The following AGBL1 variants were observed in gnomAD, a reference collection of about 807,000 sequenced individuals.
AGBL1 encodes the protein AGBL carboxypeptidase 1.
Under a neutral mutation model 118.9 loss-of-function variants are expected in AGBL1, and 130 were observed. The observed-to-expected ratio is 1.09, with a 90% CI of 0.95 to 1.26. The LOEUF is 1.26. AGBL1 is among the 50% of genes most tolerant of loss of function. The probability of loss-of-function intolerance (pLI) is 0.00; values close to 1 mark genes in which losing one functional copy is unlikely to be tolerated. For synonymous variants in AGBL1, 555 were observed against 478.9 expected, an observed-to-expected ratio of 1.16 and a Z score of -2.08; for missense variants, 1,584 against 1,298.1, an observed-to-expected ratio of 1.22 and a Z score of -3.38.
chr15:86,350,564 A>G (rs1469680096), intron 17 of AGBL1, among the ~76,000 whole-genome samples: 1 of 152,160 alleles, frequency 6.6e-6, no homozygotes, highest in Non-Finnish European at 1.5e-5. Context: ...AGCAGTAGTA[A>G]GTTATACATG....
intron 16 of AGBL1, among the ~76,000 whole-genome samples, chr15:86,283,346 C>A (rs1395578757): frequency 6.6e-6 from 1 of 151,884 alleles, no homozygotes; most frequent in Non-Finnish European, 1.5e-5. Context: ...CAAGAGACAA[C>A]AAAAGCGGTC....
At chr15:86,740,265 C>G (rs762727029) in intron 22 of AGBL1, among the ~76,000 whole-genome samples, 5 of 152,226 alleles carry the variant, frequency 3.3e-5, no homozygotes, top group Non-Finnish European at 7.3e-5. Context: ...CCAGACCTTT[C>G]AGACATGGGA....
At position 86,156,913 on chromosome 15, in the gene AGBL1, C is replaced by T. The variant is rs1320903822; in HGVS notation, c.395-2020C>T. Among the ~76,000 whole-genome samples the T allele has an allele frequency of 4.0e-5, 6 of 151,660 alleles. No homozygotes were observed. The South Asian group carries it at 8.3e-4, about 21-fold the overall frequency. The stretch of plus-strand genomic sequence containing the variant: ...CAAATGATTCTCGTGCCTTAGCCTC[C>T]CGACTAGCTGGGATTACAGTTGTGC... On this transcript the variant is annotated intron_variant, in intron 4 of 22. Transcript: ENST00000614907.
intron 20 of AGBL1, 76 bp downstream of exon 20, chr15:86,546,209 C>G (rs574219781): frequency 7.6e-7 from 1 of 1,309,392 alleles, no homozygotes; most frequent in Admixed American, 2.7e-5. Flanking sequence ...CCATGCCCCA[C>G]TCATTTATTT....
In AGBL1 at chr15:86,888,808, C is replaced by T. The variant is rs1456754501; in HGVS notation, c.3159-18279C>T. Among the ~76,000 whole-genome samples the T allele has an allele frequency of 3.9e-5, 6 of 152,204 alleles. No individual in the cohort carries two copies. The South Asian group carries it at 8.3e-4, about 21-fold the overall frequency. ...GCCATTATGAGTCAAAACTGTTAAT[C>T]AGAACATAAAATAATGTCAGAAAGA... On this transcript the variant is annotated intron_variant, in intron 22 of 22. Transcript: ENST00000614907.
rs1282333825 is a variant in AGBL1 at position 86,910,934 on chromosome 15, T to C, written c.*3640T>C. The C allele has an allele frequency of 2.0e-5, 3 of 152,176 alleles. No individual in the cohort carries two copies. Among genetic ancestry groups the C allele is most frequent in the Non-Finnish European group, 4.4e-5 (3 of 68,054 alleles). 9.4% of individuals were successfully genotyped at this position (152,176 alleles called of 1,614,324 possible). On this transcript the variant is annotated 3_prime_UTR_variant, in exon 23 of 23. Transcript: ENST00000614907. ...CAGTCTTCCATCCAGAGTTAGAGGG[T>C]ACTTACTTGAGAGTTAACTCTCAAT...
intron 3 of AGBL1, among the ~76,000 whole-genome samples, chr15:86,146,578 G>T (rs1382130117): frequency 1.3e-5 from 2 of 152,154 alleles, no homozygotes; most frequent in African/African-American, 2.4e-5. Flanking sequence ...GCAAACTAGG[G>T]TCATACAGGT....
chr15:86,969,349 A>G (rs562362178), intron 23 of AGBL1, among the ~76,000 whole-genome samples: 9 of 151,706 alleles, frequency 5.9e-5, no homozygotes, highest in Non-Finnish European at 1.3e-4. Context: ...TTTTCCTTCC[A>G]ACTTGAGTTG....
intron 17 of AGBL1, among the ~76,000 whole-genome samples, chr15:86,318,810 C>A (rs1342127609): frequency 1.4e-5 from 2 of 140,152 alleles, no homozygotes. Context: ...ATGTAAAGGT[C>A]TGTTTGTGGT....
At chr15:86,879,074 T>G (rs1003897724) in intron 22 of AGBL1, among the ~76,000 whole-genome samples, 3 of 152,236 alleles carry the variant, frequency 2.0e-5, no homozygotes, top group African/African-American at 7.2e-5. Context: ...AAGGCAGAAG[T>G]CTTTTCATAG....
At chr15:86,173,916 G>A (rs889575208) in intron 5 of AGBL1, among the ~76,000 whole-genome samples, 3 of 151,960 alleles carry the variant, frequency 2.0e-5, no homozygotes, top group East Asian at 1.9e-4. Context: ...GGATTGCTTC[G>A]GCTATTTTGG....
intron 22 of AGBL1, among the ~76,000 whole-genome samples, chr15:86,736,440 A>C (rs1397177852): frequency 6.6e-6 from 1 of 152,080 alleles, no homozygotes; most frequent in African/African-American, 2.4e-5. Flanking sequence ...GTGCACTTCT[A>C]TATAGCATCT....
At chr15:86,449,628 T>C (rs2082168681) in intron 18 of AGBL1, among the ~76,000 whole-genome samples, 1 of 152,228 alleles carries the variant, frequency 6.6e-6, no homozygotes, top group Non-Finnish European at 1.5e-5. Flanking sequence ...GAATAGCACA[T>C]AAAGCATCCA....
intron 16 of AGBL1, among the ~76,000 whole-genome samples, chr15:86,292,469 C>T (rs1453924448): frequency 6.6e-6 from 1 of 152,158 alleles, no homozygotes; most frequent in Non-Finnish European, 1.5e-5. Context: ...TTTTAGACTA[C>T]TGACCTTCAG....
At position 86,719,650 on chromosome 15, in the gene AGBL1, G is replaced by GTTCCTTCT. The variant is rs543115107; in HGVS notation, c.3158+45221_3158+45228dup. The stretch of plus-strand genomic sequence containing the variant: ...TGCCTTCCCCTCCCTCCCTTTCTTT[G>GTTCCTTCT]TTCCTTCTTTCCTTTTTATCCTCAA... On this transcript the variant is annotated intron_variant, in intron 22 of 22. Coordinates refer to ENST00000614907, the MANE Select transcript of AGBL1 (RefSeq NM_001386094.1). Among the ~76,000 whole-genome samples, 69 of 151,326 alleles carry GTTCCTTCT rather than the reference G, an allele frequency of 4.6e-4. No individual in the cohort carries two copies. In the East Asian group the frequency reaches 0.012, roughly 27 times the overall value.
chr15:86,236,614 G>A (rs2078547340), intron 6 of AGBL1, among the ~76,000 whole-genome samples: 1 of 152,004 alleles, frequency 6.6e-6, no homozygotes, highest in Admixed American at 6.6e-5. Flanking sequence ...GTCTCGGGCC[G>A]AATTGGATAA....
At chr15:86,857,109 C>A (rs374124978) in intron 22 of AGBL1, among the ~76,000 whole-genome samples, 12 of 152,282 alleles carry the variant, frequency 7.9e-5, no homozygotes, top group East Asian at 5.8e-4. Context: ...AATTTCTGTA[C>A]GTTTTATGTG....
chr15:86,668,003 G>C (rs565108937), intron 21 of AGBL1, among the ~76,000 whole-genome samples: 1 of 152,134 alleles, frequency 6.6e-6, no homozygotes, highest in Non-Finnish European at 1.5e-5. Context: ...GAGGTGAAGC[G>C]GGAGCAGGCA....
rs2080334926 is a variant in AGBL1, at chr15:86,910,473, G to A, written c.*3179G>A. Reference sequence around the variant, plus strand: ...GGGGAGACTTAAAGAGCTTTCAGCAGAGGCATGCCCGTGACTGATATCAGC... The same window carrying A: ...GGGGAGACTTAAAGAGCTTTCAGCAAAGGCATGCCCGTGACTGATATCAGC... On this transcript the variant is annotated 3_prime_UTR_variant, in exon 23 of 23. Coordinates refer to ENST00000614907, the MANE Select transcript of AGBL1 (RefSeq NM_001386094.1). The A allele has an allele frequency of 6.6e-6, 1 of 152,210 alleles. No individual in the cohort carries two copies. Among genetic ancestry groups the A allele is most frequent in the Non-Finnish European group, 1.5e-5 (1 of 68,044 alleles). 9.4% of individuals were successfully genotyped at this position (152,210 alleles called of 1,614,324 possible). A position where few individuals can be genotyped will look rare whatever the true frequency, so the allele number is the denominator to read the frequency against.
Sources: allele counts gnomAD v4.1 joint callset (sites outside exome capture counted in the v4.1 genomes callset), GRCh38; gene constraint gnomAD v4.1.1; transcripts MANE v1.5; gene names NCBI Gene and HGNC (gene_info 2026-07-23, HGNC 2026-07-21).